Variants in MRPS9 observed in about 807,000 individuals in gnomAD.
MRPS9 encodes small ribosomal subunit protein uS9m.
MRPS9 carries 45 observed loss-of-function variants against 59.9 expected under a neutral mutation model. That is an observed-to-expected ratio of 0.75 (90% CI 0.59 to 0.96). The LOEUF is 0.96. MRPS9 is among the 40% of genes least tolerant of loss of function. The pLI is 0.00. For synonymous variants in MRPS9, 171 were observed against 166.8 expected (o/e 1.03, Z -0.19); for missense variants, 473 against 481.1 (o/e 0.98, Z 0.16).
At chr2:105,078,089 T>C (rs1347699006) in intron 4 of MRPS9, among the ~76,000 whole-genome samples, 1 of 150,666 alleles carries the variant, frequency 6.6e-6, no homozygotes, top group Non-Finnish European at 1.5e-5. Context: ...GACAGACCAA[T>C]GAGCAAAGTC....
At chr2:105,086,132 T>C (rs1031124362) in intron 5 of MRPS9, among the ~76,000 whole-genome samples, 9 of 152,216 alleles carry the variant, frequency 5.9e-5, no homozygotes, top group African/African-American at 2.2e-4. Flanking sequence ...TCACCCCCGC[T>C]ATCATTCTTG....
At chr2:105,081,027 G>T (rs1447038440) in intron 5 of MRPS9, among the ~76,000 whole-genome samples, 1 of 152,212 alleles carries the variant, frequency 6.6e-6, no homozygotes, top group Admixed American at 6.5e-5. Context: ...GAGTAATGGA[G>T]CTGCGGCTCC....
chr2:105,077,166 A>G (rs554274512), intron 4 of MRPS9, among the ~76,000 whole-genome samples: 1 of 150,542 alleles, frequency 6.6e-6, no homozygotes, highest in African/African-American at 2.4e-5. Flanking sequence ...AATCACTTGA[A>G]CCCAGGAGGT....
At chr2:105,081,137 T>A (rs1217000640) in intron 5 of MRPS9, among the ~76,000 whole-genome samples, 1 of 152,098 alleles carries the variant, frequency 6.6e-6, no homozygotes, top group Admixed American at 6.5e-5. Flanking sequence ...ACGCCGCCGG[T>A]TTGATCTGTG....
chr2:105,077,244 C>CAAAAAAAAAAAAAAAAAA (rs56216293), intron 4 of MRPS9, among the ~76,000 whole-genome samples: 7 of 115,428 alleles, frequency 6.1e-5, no homozygotes, highest in South Asian at 2.7e-4. Flanking sequence ...GACTCCATCT[C>CAAAAAAAAAAAAAAAAAA]AAAAAAAAAA....
intron 2 of MRPS9, among the ~76,000 whole-genome samples, chr2:105,059,508 T>G (rs1325019974): frequency 6.6e-6 from 1 of 152,176 alleles, no homozygotes; most frequent in African/African-American, 2.4e-5. Flanking sequence ...CAGGATTGTT[T>G]TGAAGCTTAT....
chr2:105,073,015 A>G (rs1048206247), intron 4 of MRPS9, among the ~76,000 whole-genome samples: 4 of 152,234 alleles, frequency 2.6e-5, no homozygotes, highest in Admixed American at 2.6e-4. Context: ...TCAGTGTTAC[A>G]GAAGTAAAAC....
intron 2 of MRPS9, among the ~76,000 whole-genome samples, chr2:105,061,765 C>T (rs1264087617): frequency 6.6e-6 from 1 of 152,146 alleles, no homozygotes; most frequent in South Asian, 2.1e-4. Flanking sequence ...AAGTAAGATA[C>T]TGTTCGTATG....
chr2:105,060,310 C>T (rs1348987234), intron 2 of MRPS9, among the ~76,000 whole-genome samples: 1 of 152,124 alleles, frequency 6.6e-6, no homozygotes, highest in South Asian at 2.1e-4. Context: ...GAGACAGAGT[C>T]TTGCTCTGTT....
At chr2:105,093,663 G>A (rs532760935) in intron 9 of MRPS9, 25 bp downstream of exon 9, 3 of 1,264,996 alleles carry the variant, frequency 2.4e-6, no homozygotes, top group Admixed American at 2.0e-5. Context: ...CTGATTTTTT[G>A]TTTTTAAAGG....
intron 10 of MRPS9, chr2:105,098,761 C>G (rs1048516096): frequency 1.3e-5 from 2 of 152,098 alleles, no homozygotes; most frequent in African/African-American, 4.8e-5. Flanking sequence ...AATAAAATAC[C>G]CAAGCCTTGT....
At position 105,045,816 on chromosome 2, in the gene MRPS9, C is replaced by T. The variant is rs894009177; in HGVS notation, c.136-3355C>T. ...CCTGTCTGGAATTATTCTCCTGGCT[C>T]ACTAGTAATGAGAATTACCTCTAAG... On this transcript the variant is annotated intron_variant, in intron 1 of 10. Transcript: ENST00000258455. Among the ~76,000 whole-genome samples the T allele has an allele frequency of 5.3e-5, 8 of 152,032 alleles. 1 individual carries two copies. Among genetic ancestry groups the T allele is most frequent in the Admixed American group, 5.2e-4 (8 of 15,254 alleles).
chr2:105,089,195 T>C, intron 6 of MRPS9, 126 bp downstream of exon 6: 1 of 602,736 alleles, frequency 1.7e-6, no homozygotes, highest in Non-Finnish European at 2.9e-6. Context: ...AGCATTAAGG[T>C]TAGGGTTCAA....
At chr2:105,093,058 G>T (rs1489711636) in intron 8 of MRPS9, among the ~76,000 whole-genome samples, 4 of 152,090 alleles carry the variant, frequency 2.6e-5, no homozygotes, top group African/African-American at 9.7e-5. Context: ...AAGATTTCAC[G>T]TCATTGTCAT....
chr2:105,045,226 A>T (rs1260513037), intron 1 of MRPS9, among the ~76,000 whole-genome samples: 1 of 152,120 alleles, frequency 6.6e-6, no homozygotes, highest in Non-Finnish European at 1.5e-5. Context: ...TGAAGTTGAT[A>T]GTACATTTAA....
rs568119838 is a variant in MRPS9, at chr2:105,062,467, G to A, written c.316-8846G>A. On this transcript the variant is annotated intron_variant, in intron 2 of 10. Transcript: ENST00000258455. ...CTGCTTCCAGCCTTTTCACTTCACA[G>A]GAGATAAAGTTAGGAATGGCCGTTA... Among the ~76,000 whole-genome samples the A allele has an allele frequency of 1.5e-3, 230 of 152,254 alleles. 1 individual carries two copies. Among genetic ancestry groups the A allele is most frequent in the Non-Finnish European group, 3.1e-3 (212 of 68,016 alleles).
intron 4 of MRPS9, 123 bp from the exon 5 acceptor site, chr2:105,079,860 G>T (rs1680293162): frequency 2.0e-6 from 1 of 506,484 alleles, no homozygotes; most frequent in East Asian, 3.3e-5. Flanking sequence ...CTAAATGTTG[G>T]TGATTTTTTT....
Position 105,089,962 on chromosome 2 carries a change from A to C in MRPS9, c.618A>C (p.Glu206Asp). The C allele has an allele frequency of 1.2e-6, 2 of 1,610,518 alleles. No homozygotes were observed. Among genetic ancestry groups the C allele is most frequent in the Non-Finnish European group, 1.7e-6 (2 of 1,177,660 alleles). ...GSRWLIKEEL[E>D]EMLVEKLSDL... ...GATGGCTGATTAAGGAGGAACTAGA[A>C]GAAATGTTAGTGGAAAAACTGTCAG... is the stretch of plus-strand genomic sequence containing the variant. Residue 206 changes from glutamate to aspartate, a missense_variant, in exon 7 of 11, where the codon GAA (glutamate) becomes GAC (aspartate). Transcript: ENST00000258455.
At chr2:105,075,618 A>C (rs1176498380) in intron 4 of MRPS9, among the ~76,000 whole-genome samples, 1 of 152,218 alleles carries the variant, frequency 6.6e-6, no homozygotes, top group Non-Finnish European at 1.5e-5. Flanking sequence ...TTCATGAAAA[A>C]GAAAGCTATA....
Sources: allele counts gnomAD v4.1 joint callset (sites outside exome capture counted in the v4.1 genomes callset), GRCh38; gene constraint gnomAD v4.1.1; transcripts MANE v1.5; gene names NCBI Gene and HGNC (gene_info 2026-07-23, HGNC 2026-07-21).